Variants in FLG observed in about 807,000 individuals in gnomAD.
FLG encodes epidermal filaggrin.
FLG carries 6 observed loss-of-function variants against 3.8 expected under a neutral mutation model. The ratio of observed to expected loss-of-function variants is 1.60; its 90% CI spans 0.87 to 3.15. The LOEUF (loss-of-function observed/expected upper bound fraction) is 3.15, where lower values mean the gene tolerates loss of function less well. FLG is among the 30% of genes most tolerant of loss of function. FLG has a pLI of 0.00. For synonymous variants in FLG, 2,551 were observed against 1,931.6 expected (o/e 1.32, Z -8.41); for missense variants, 7,595 against 5,050.9 (o/e 1.50, Z -15.27).
chr1:152,312,081 C>A lies in FLG; in HGVS notation c.2805G>T (p.Gly935=), dbSNP rs1481708622. 3 of 1,613,982 alleles carry A rather than the reference C, an allele frequency of 1.9e-6. No homozygotes were observed. The highest frequency in any genetic ancestry group is 2.7e-5 in the African/African-American group (2 of 74,912). ...ATCCCTGGCGCCTGCTTGTCCTGGA[C>A]CCCTCTGATTGTCCCTGGCCTGCCT... The part of the protein sequence containing the change: ...HSQAGQGQSE[G]SRTSRRQGSS... The change falls in exon 3 of 3, where the codon GGG becomes GGT. Residue 935 remains glycine, a synonymous_variant. Transcript: ENST00000368799.
chr1:152,307,267 C>T lies in FLG; in HGVS notation c.7619G>A (p.Arg2540Gln), dbSNP rs148050570. The change falls in exon 3 of 3, where the codon CGG (arginine) becomes CAG (glutamine). Residue 2540 changes from arginine (R) to glutamine (Q), a missense_variant. By Grantham distance (43) the Arg-to-Gln change is conservative. Coordinates refer to ENST00000368799, the MANE Select transcript of FLG (RefSeq NM_002016.2). ...CTGCGAGTGTCCAGAGCTGTCGGCC[C>T]GAGAGGAAGCTTCATGGTGACGCGA... is the stretch of plus-strand genomic sequence containing the variant. ...SGSRHHEASS[R>Q]ADSSGHSQVG... The T allele has an allele frequency of 6.7e-5, 107 of 1,606,722 alleles. No homozygotes were observed. Among genetic ancestry groups the T allele is most frequent in the Middle Eastern group, 1.7e-4 (1 of 6,046 alleles).
chr1:152,309,018 G>T lies in FLG; in HGVS notation c.5868C>A (p.His1956Gln), dbSNP rs370774078. ...CTCTGTCTTCGTGATGGGACCCAGG[G>T]TGTCTGGAGCCATCTCTTGACTGCT... ...AWEQSRDGSRHPGSHHEDRAG... is the reference protein window; with the variant it reads ...AWEQSRDGSRQPGSHHEDRAG... Residue 1956 changes from histidine (H) to glutamine (Q), a missense_variant, in exon 3 of 3, where the codon CAC (histidine) becomes CAA (glutamine). Physicochemically the swap from His to Gln is conservative, Grantham distance 24. Transcript: ENST00000368799. 1.3e-5 allele frequency: 21 copies of T among 1,614,042 alleles called. No homozygotes were observed. Among genetic ancestry groups the T allele is most frequent in the Middle Eastern group, 1.6e-4 (1 of 6,084 alleles).
Position 152,310,402 on chromosome 1 carries a change from G to A in FLG, c.4484C>T (p.Ser1495Leu), listed in dbSNP as rs376426043. The A allele has an allele frequency of 4.3e-6, 7 of 1,613,292 alleles. No homozygotes were observed. The highest frequency in any genetic ancestry group is 5.9e-6 in the Non-Finnish European group (7 of 1,179,856). The part of the protein sequence containing the change: ...GQDTIRGHPG[S>L]SRGGRQGSYH... ...GGATCCCTGCCTTCCTCCTCTGCTTGACCCCGGGTGTCCACGAATGGTGTC... is the reference window on the plus strand; with the variant it reads ...GGATCCCTGCCTTCCTCCTCTGCTTAACCCCGGGTGTCCACGAATGGTGTC... The change falls in exon 3 of 3, where the codon TCA (serine) becomes TTA (leucine). Residue 1495 changes from serine (S) to leucine (L), a missense_variant. Transcript: ENST00000368799.
rs150427834 is a variant in FLG, at chr1:152,306,194, C to G, written c.8692G>C (p.Glu2898Gln). The G allele has an allele frequency of 2.2e-3, 3,481 of 1,598,852 alleles. 28 individuals are homozygous for G. In the African/African-American group the frequency reaches 0.039, roughly 18 times the overall value. ...GSSVSQDSDS[E>Q]GHSEDSERWS... The stretch of plus-strand genomic sequence containing the variant: ...CTCTCAGAGTCTTCTGAATGTCCCT[C>G]ACTGTCACTGTCCTGGCTCACACTG... Residue 2898 changes from glutamate to glutamine, a missense_variant, in exon 3 of 3, where the codon GAG becomes CAG. By Grantham distance (29) the Glu-to-Gln change is conservative. Coordinates refer to ENST00000368799, the MANE Select transcript of FLG (RefSeq NM_002016.2).
In FLG at chr1:152,311,416, G is replaced by T; in HGVS notation, c.3470C>A (p.Ala1157Glu). The T allele has an allele frequency of 1.2e-6, 2 of 1,613,424 alleles. No homozygotes were observed. Among genetic ancestry groups the T allele is most frequent in the Non-Finnish European group, 1.7e-6 (2 of 1,179,858 alleles). ...EQARDSSRHSASQEGQDTIRA... is the reference protein window; with the variant it reads ...EQARDSSRHSESQEGQDTIRA... ...AATGGTGTCCTGACCCTCTTGGGACGCTGAGTGCCTGGAGCTGTCTCGTGC... is the reference window on the plus strand; with the variant it reads ...AATGGTGTCCTGACCCTCTTGGGACTCTGAGTGCCTGGAGCTGTCTCGTGC... The change falls in exon 3 of 3, where the codon GCG becomes GAG. Residue 1157 changes from alanine to glutamate, a missense_variant. Physicochemically the swap from Ala to Glu is moderately radical, Grantham distance 107. Transcript: ENST00000368799.
At position 152,309,917 on chromosome 1, in the gene FLG, G is replaced by A. The variant is rs201910898; in HGVS notation, c.4969C>T (p.His1657Tyr). The change falls in exon 3 of 3, where the codon CAT becomes TAT. Residue 1657 changes from histidine (H) to tyrosine (Y), a missense_variant. Physicochemically the swap from His to Tyr is moderately conservative, Grantham distance 83. Transcript: ENST00000368799. The part of the protein sequence containing the change: ...AESSRQSGTR[H>Y]AETSSGGQAA... ...TGTCCACCAGAGGAAGTCTCTGCAT[G>A]ACGAGTGCCTGATTGTCTGGAGCTC... The A allele has an allele frequency of 2.0e-5, 32 of 1,614,166 alleles. No homozygotes were observed. The Admixed American group carries it at 3.7e-4, about 18-fold the overall frequency.
At position 152,314,676 on chromosome 1, in the gene FLG, G is replaced by A. The variant is rs1311161790; in HGVS notation, c.210C>T (p.Asp70=). 3 of 1,613,992 alleles carry A rather than the reference G, an allele frequency of 1.9e-6. No individual in the cohort carries two copies. The South Asian group carries it at 3.3e-5, about 18-fold the overall frequency. The change falls in exon 3 of 3, where the codon GAC becomes GAT. Residue 70 remains aspartate, a synonymous_variant. Coordinates refer to ENST00000368799, the MANE Select transcript of FLG (RefSeq NM_002016.2). ...HLDIDHNKKI[D]FTEFLLMVFK... Reference sequence around the variant, plus strand: ...ATACCATCAGAAGAAACTCAGTGAAGTCAATTTTCTTGTTGTGGTCTATAT... The same window carrying A: ...ATACCATCAGAAGAAACTCAGTGAAATCAATTTTCTTGTTGTGGTCTATAT...
chr1:152,310,350 A>C lies in FLG; in HGVS notation c.4536T>G (p.Ser1512=), dbSNP rs1275065987. 2.5e-6 allele frequency: 4 copies of C among 1,613,842 alleles called. No homozygotes were observed. Among genetic ancestry groups the C allele is most frequent in the Non-Finnish European group, 3.4e-6 (4 of 1,179,978 alleles). Reference sequence around the variant, plus strand: ...GGCTGTGATGGTACCCTGAGTGTCCAGACCTATCTACTGATTGCTCGTGGT... The same window carrying C: ...GGCTGTGATGGTACCCTGAGTGTCCCGACCTATCTACTGATTGCTCGTGGT... ...GSYHEQSVDR[S]GHSGYHHSHT... Residue 1512 remains serine, a synonymous_variant, in exon 3 of 3, where the codon TCT becomes TCG. Coordinates refer to ENST00000368799, the MANE Select transcript of FLG (RefSeq NM_002016.2).
rs755128458 is a variant in FLG at position 152,308,751 on chromosome 1, A to G, written c.6135T>C (p.Ser2045=). 93 of 1,613,900 alleles carry G rather than the reference A, an allele frequency of 5.8e-5. No homozygotes were observed. The highest frequency in any genetic ancestry group is 7.4e-5 in the Non-Finnish European group (87 of 1,179,936). Residue 2045 remains serine (S), a synonymous_variant, in exon 3 of 3, where the codon AGT becomes AGC. Transcript: ENST00000368799. ...GHRGYSGSQA[S]DSEGHSEDSD... ...AGTCTTCTGAATGTCCCTCACTGTC[A>G]CTGGCCTGACTACCACTGTACCCTC...
At position 152,303,727 on chromosome 1, in the gene FLG, G is replaced by T; in HGVS notation, c.11159C>A (p.Ser3720Tyr). 1 of 1,613,910 alleles carries T rather than the reference G, an allele frequency of 6.2e-7. No homozygotes were observed. The highest frequency in any genetic ancestry group is 2.2e-5 in the East Asian group (1 of 44,854). ...FLYQVSTHEQSESAHGRAGPS... is the reference protein window; with the variant it reads ...FLYQVSTHEQYESAHGRAGPS... ...CCCAGCCCGTCCATGGGCAGACTCAGACTGTTCATGAGTGCTCACCTGGTA... is the reference window on the plus strand; with the variant it reads ...CCCAGCCCGTCCATGGGCAGACTCATACTGTTCATGAGTGCTCACCTGGTA... Residue 3720 changes from serine (S) to tyrosine (Y), a missense_variant, in exon 3 of 3, where the codon TCT (serine) becomes TAT (tyrosine). Transcript: ENST00000368799.
Position 152,304,506 on chromosome 1 carries a change from T to G in FLG, c.10380A>C (p.Ser3460=), listed in dbSNP as rs754051002. 3.1e-6 allele frequency: 5 copies of G among 1,612,866 alleles called. No individual in the cohort carries two copies. The South Asian group carries it at 4.4e-5, about 14-fold the overall frequency. The change falls in exon 3 of 3, where the codon TCA becomes TCC. Residue 3460 remains serine (S), a synonymous_variant. Coordinates refer to ENST00000368799, the MANE Select transcript of FLG (RefSeq NM_002016.2). ...ATGTGGTGTGGCTGTGATGGGACCC[T>G]GAGTGTCCAGACCTATCTACCGATT... ...YEQSVDRSGH[S]GSHHSHTTSQ...
chr1:152,313,743 T>C lies in FLG; in HGVS notation c.1143A>G (p.Gly381=). The change falls in exon 3 of 3, where the codon GGA becomes GGG. Residue 381 remains glycine, a synonymous_variant. Coordinates refer to ENST00000368799, the MANE Select transcript of FLG (RefSeq NM_002016.2). ...GCTGGTGGCCGGATCCATGTCTTTC[T>C]CCTGGACTTGATCTTGCCTGTTCAT... The part of the protein sequence containing the change: ...SSHEQARSSP[G]ERHGSGHQQS... 1.2e-6 allele frequency: 2 copies of C among 1,614,022 alleles called. No individual in the cohort carries two copies. The highest frequency in any genetic ancestry group is 1.7e-6 in the Non-Finnish European group (2 of 1,179,976).
Position 152,308,463 on chromosome 1 carries a change from G to C in FLG, c.6423C>G (p.His2141Gln). ...SQEGQDTIRG[H>Q]PGPSRGGRQG... The stretch of plus-strand genomic sequence containing the variant: ...GTCTTCCTCCTCTGCTTGGCCCCGG[G>C]TGTCCACGAATGGTGTCCTGACCCT... The change falls in exon 3 of 3, where the codon CAC becomes CAG. Residue 2141 changes from histidine to glutamine, a missense_variant. Transcript: ENST00000368799. 1 of 1,613,780 alleles carries C rather than the reference G, an allele frequency of 6.2e-7. No homozygotes were observed. The highest frequency in any genetic ancestry group is 8.5e-7 in the Non-Finnish European group (1 of 1,179,900).
rs1570905464 is a variant in FLG at position 152,309,433 on chromosome 1, C to A, written c.5453G>T (p.Gly1818Val). The A allele has an allele frequency of 6.2e-7, 1 of 1,613,404 alleles. No individual in the cohort carries two copies. Among genetic ancestry groups the A allele is most frequent in the Non-Finnish European group, 8.5e-7 (1 of 1,179,938 alleles). The change falls in exon 3 of 3, where the codon GGG (glycine) becomes GTG (valine). Residue 1818 changes from glycine (G) to valine (V), a missense_variant. Coordinates refer to ENST00000368799, the MANE Select transcript of FLG (RefSeq NM_002016.2). ...TCCCTGCCTTCCTCCTCTGCTTGAC[C>A]CTGGGTGTCCACGAATGGTGTCCTG... ...EGQDTIRGHP[G>V]SSRGGRQGSH...
intron 2 of FLG, 90 bp from the exon 3 acceptor site, chr1:152,314,837 C>A: frequency 2.0e-6 from 3 of 1,518,238 alleles, no homozygotes; most frequent in Non-Finnish European, 2.7e-6. Flanking sequence ...GGAACCTGAT[C>A]TTTGAGTATT....
Position 152,311,144 on chromosome 1 carries a change from T to C in FLG, c.3742A>G (p.Arg1248Gly). The part of the protein sequence containing the change: ...HEAASWADSS[R>G]HSQVGQEQSS... The stretch of plus-strand genomic sequence containing the variant: ...TGTTCCTGTCCCACCTGTGAGTGTC[T>C]AGAGCTGTCAGCCCAAGAGGCAGCT... The change falls in exon 3 of 3, where the codon AGA (arginine) becomes GGA (glycine). Residue 1248 changes from arginine (R) to glycine (G), a missense_variant. By Grantham distance (125) the Arg-to-Gly change is moderately radical. Transcript: ENST00000368799. 6.2e-7 allele frequency: 1 copy of C among 1,613,858 alleles called. No individual in the cohort carries two copies. The highest frequency in any genetic ancestry group is 1.7e-5 in the Admixed American group (1 of 59,998).
At position 152,304,484 on chromosome 1, in the gene FLG, T is replaced by C. The variant is rs1275360123; in HGVS notation, c.10402A>G (p.Thr3468Ala). Residue 3468 changes from threonine to alanine, a missense_variant, in exon 3 of 3, where the codon ACA becomes GCA. Thr to Ala is a moderately conservative substitution (Grantham distance 58, BLOSUM62 0). Transcript: ENST00000368799. ...GHSGSHHSHT[T>A]SQGRSDASRG... ...GAGGCATCAGACCTTCCCTGGGATGTGGTGTGGCTGTGATGGGACCCTGAG... is the reference window on the plus strand; with the variant it reads ...GAGGCATCAGACCTTCCCTGGGATGCGGTGTGGCTGTGATGGGACCCTGAG... The C allele has an allele frequency of 6.2e-7, 1 of 1,612,754 alleles. No individual in the cohort carries two copies. The highest frequency in any genetic ancestry group is 1.3e-5 in the African/African-American group (1 of 74,704).
chr1:152,310,791 T>A lies in FLG; in HGVS notation c.4095A>T (p.Ala1365=), dbSNP rs11581451. ...CAATGCCTGAGTGTCTGGAGCTGTC[T>A]GCTGACTGCTGGTGGCGGGATCCAT... ...ERHGSRHQQS[A]DSSRHSGIGH... Residue 1365 remains alanine (A), a synonymous_variant, in exon 3 of 3, where the codon GCA becomes GCT. Transcript: ENST00000368799. 0.014 allele frequency: 22,436 copies of A among 1,612,170 alleles called. 236 individuals are homozygous for A. Among genetic ancestry groups the A allele is most frequent in the South Asian group, 0.028 (2,546 of 90,950 alleles).
In FLG at chr1:152,307,895, C is replaced by T. The variant is rs759500460; in HGVS notation, c.6991G>A (p.Gly2331Arg). ...QARSSAGERH[G>R]SHHQQSADSS... ...TCTGCTGACTGCTGGTGGTGGGATC[C>T]GTGTCTCTCTCCTGCACTTGATCTT... Residue 2331 changes from glycine to arginine, a missense_variant, in exon 3 of 3, where the codon GGA becomes AGA. Physicochemically the swap from Gly to Arg is moderately radical, Grantham distance 125. Coordinates refer to ENST00000368799, the MANE Select transcript of FLG (RefSeq NM_002016.2). The T allele has an allele frequency of 6.6e-5, 106 of 1,612,986 alleles. No individual in the cohort carries two copies. Among genetic ancestry groups the T allele is most frequent in the South Asian group, 1.3e-4 (12 of 90,962 alleles).
Sources: allele counts gnomAD v4.1 joint callset, GRCh38; gene constraint gnomAD v4.1.1; transcripts MANE v1.5; gene names NCBI Gene and HGNC (gene_info 2026-07-23, HGNC 2026-07-21).